Variants in ATP6V1C2 observed in about 807,000 individuals in gnomAD.
ATP6V1C2 encodes V-type proton ATPase subunit C 2.
Under a neutral mutation model 56.8 loss-of-function variants are expected in ATP6V1C2, and 45 were observed. The ratio of observed to expected loss-of-function variants is 0.79; its 90% CI spans 0.62 to 1.02. ATP6V1C2 has a LOEUF of 1.02. Among genes scored for constraint, ATP6V1C2 ranks in the 50% least tolerant of loss-of-function variants. ATP6V1C2 has a pLI of 0.00. For synonymous variants in ATP6V1C2, 220 were observed against 201.3 expected (o/e 1.09, Z -0.79); for missense variants, 463 against 519.7 (o/e 0.89, Z 1.06).
In ATP6V1C2 at chr2:10,729,288, C is replaced by T. The variant is rs185184270; in HGVS notation, c.197+2719C>T. ...GAAGCAATCTCCTGCCTCAACCTCC[C>T]GAGTAGCTGGGATTACAGGTACATG... On this transcript the variant is annotated intron_variant, in intron 3 of 13. Transcript: ENST00000272238. 6.3e-3 allele frequency among the ~76,000 whole-genome samples: 958 copies of T among 151,782 alleles called. 2 individuals carry two copies. Among genetic ancestry groups the T allele is most frequent in the Non-Finnish European group, 9.9e-3 (671 of 67,956 alleles).
At chr2:10,739,874 C>T (rs955965362) in intron 3 of ATP6V1C2, among the ~76,000 whole-genome samples, 24 of 152,034 alleles carry the variant, frequency 1.6e-4, no homozygotes, top group African/African-American at 5.1e-4. Flanking sequence ...CCGAGGCGGG[C>T]GGATCACTTG....
At chr2:10,775,197 G>C (rs992846869) in intron 10 of ATP6V1C2, 126 bp downstream of exon 10, 73 of 743,236 alleles carry the variant, frequency 9.8e-5, no homozygotes, top group Non-Finnish European at 1.0e-4. Flanking sequence ...TCACACCATG[G>C]GGACCGTCTG....
chr2:10,743,995 AAATAAT>A (rs761653246), intron 3 of ATP6V1C2, among the ~76,000 whole-genome samples: 1 of 40,394 alleles, frequency 2.5e-5, no homozygotes, highest in Non-Finnish European at 8.8e-5. Flanking sequence ...AAAAAAAAAA[AAATAAT>A]AATAATAAAT....
rs971066713 is a variant in ATP6V1C2 at position 10,776,280 on chromosome 2, T to C, written c.825+1209T>C. Among the ~76,000 whole-genome samples the C allele has an allele frequency of 5.1e-4, 72 of 141,220 alleles. No individual in the cohort carries two copies. In the East Asian group the frequency reaches 6.5e-3, roughly 13 times the overall value. The allele number at this position is 141,220 out of a possible 152,430, so 92.6% of individuals were successfully genotyped here. On this transcript the variant is annotated intron_variant, in intron 10 of 13. Coordinates refer to ENST00000272238, the MANE Select transcript of ATP6V1C2 (RefSeq NM_001039362.2). ...GCGCTCACACACGTGTGTGTGTGTG[T>C]GCGCGCGCACGTGCATGTATGAGTG...
At chr2:10,729,094 C>T (rs968561023) in intron 3 of ATP6V1C2, among the ~76,000 whole-genome samples, 20 of 151,542 alleles carry the variant, frequency 1.3e-4, no homozygotes, top group African/African-American at 4.8e-5. Flanking sequence ...CGTGCCACTG[C>T]ACTCCTGCCT....
rs1665637763 is a variant in ATP6V1C2, at chr2:10,784,946, G to GCCGTC, written c.*1686_*1690dup. ...CCCGGGCACTCACCTCGCCATCCCT[G>GCCGTC]CCGTCCCAAGGCTCTCTCTCAACGA... On this transcript the variant is annotated 3_prime_UTR_variant, in exon 14 of 14. Transcript: ENST00000272238. The GCCGTC allele has an allele frequency of 6.3e-7, 1 of 1,584,756 alleles. No homozygotes were observed. Among genetic ancestry groups the GCCGTC allele is most frequent in the South Asian group, 1.2e-5 (1 of 86,878 alleles).
intron 6 of ATP6V1C2, 112 bp from the exon 7 acceptor site, chr2:10,771,727 C>A: frequency 1.3e-6 from 1 of 793,634 alleles, no homozygotes; most frequent in Non-Finnish European, 2.2e-6. Flanking sequence ...GCATCCCTGG[C>A]ACCCACCCTT....
intron 4 of ATP6V1C2, among the ~76,000 whole-genome samples, chr2:10,756,442 G>A (rs1018509222): frequency 5.3e-5 from 8 of 151,964 alleles, no homozygotes; most frequent in Admixed American, 2.6e-4. Flanking sequence ...ATATATTGCC[G>A]GGCGCAGTGG....
At chr2:10,732,026 G>T (rs1661976974) in intron 3 of ATP6V1C2, among the ~76,000 whole-genome samples, 1 of 151,998 alleles carries the variant, frequency 6.6e-6, no homozygotes, top group Non-Finnish European at 1.5e-5. Flanking sequence ...CCTACCTGCT[G>T]CAGAAATGGT....
rs34670802 is a variant in ATP6V1C2, at chr2:10,780,749, C to CTT, written c.1062-1481_1062-1480dup. On this transcript the variant is annotated intron_variant, in intron 12 of 13. Transcript: ENST00000272238. The surrounding 1 kb of genome is among the most constrained non-coding windows in gnomAD (Gnocchi z 4.1). ...CGATGGGCCAGCCGCTCCTGGGGTC[C>CTT]TTTTTTTTTTTTTTGAGATGGACTC... is the stretch of plus-strand genomic sequence containing the variant. 7.1e-4 allele frequency among the ~76,000 whole-genome samples: 102 copies of CTT among 144,288 alleles called. No homozygotes were observed. The highest frequency in any genetic ancestry group is 4.6e-3 in the South Asian group (21 of 4,538). 94.7% of individuals were successfully genotyped at this position (144,288 alleles called of 152,430 possible). A position where few individuals can be genotyped will look rare whatever the true frequency, so the allele number is the denominator to read the frequency against.
rs1016435371 is a variant in ATP6V1C2 at position 10,784,977 on chromosome 2, G to C, written c.*1714G>C. 7 of 1,592,312 alleles carry C rather than the reference G, an allele frequency of 4.4e-6. No individual in the cohort carries two copies. The African/African-American group carries it at 9.4e-5, about 21-fold the overall frequency. On this transcript the variant is annotated 3_prime_UTR_variant, in exon 14 of 14. Transcript: ENST00000272238. ...CCAAGGCTCTCTCTCAACGATGGTA[G>C]GGAAAGCCCCGCCTCCTACAGGTGC...
intron 3 of ATP6V1C2, among the ~76,000 whole-genome samples, chr2:10,737,678 G>C (rs114348808): frequency 0.02 from 3,110 of 152,184 alleles, 104 homozygotes; most frequent in African/African-American, 0.071. Context: ...GATACAGAAA[G>C]GTCTGTGACA....
intron 4 of ATP6V1C2, among the ~76,000 whole-genome samples, chr2:10,762,030 G>A (rs1260074306): frequency 1.3e-5 from 2 of 152,230 alleles, no homozygotes; most frequent in Admixed American, 6.5e-5. Context: ...AGGGCGTTAG[G>A]TGCTTCACGC....
At chr2:10,761,479 C>T (rs144755335) in intron 4 of ATP6V1C2, among the ~76,000 whole-genome samples, 70 of 152,238 alleles carry the variant, frequency 4.6e-4, no homozygotes, top group African/African-American at 1.6e-3. Flanking sequence ...GGGCCTGTAC[C>T]CTTGCTACAA....
At chr2:10,742,094 G>GTTTTTGGCC (rs1662584817) in intron 3 of ATP6V1C2, among the ~76,000 whole-genome samples, 1 of 152,100 alleles carries the variant, frequency 6.6e-6, no homozygotes, top group Admixed American at 6.6e-5. Context: ...ATTTTTAGTA[G>GTTTTTGGCC]AGACAGGGTT....
chr2:10,782,333 C>T lies in ATP6V1C2; in HGVS notation c.1152C>T (p.Val384=). 1.2e-6 allele frequency: 2 copies of T among 1,614,210 alleles called. No homozygotes were observed. Among genetic ancestry groups the T allele is most frequent in the Non-Finnish European group, 1.7e-6 (2 of 1,180,034 alleles). The change falls in exon 13 of 14, where the codon GTC becomes GTT. Residue 384 remains valine, a synonymous_variant. Coordinates refer to ENST00000272238, the MANE Select transcript of ATP6V1C2 (RefSeq NM_001039362.2). ...GTTTAAGAGAGGTTCTAAACTCTGTCTTCCGACATCTGGATGAAGTAGCCG... is the reference window on the plus strand; with the variant it reads ...GTTTAAGAGAGGTTCTAAACTCTGTTTTCCGACATCTGGATGAAGTAGCCG... ...TKRLREVLNS[V]FRHLDEVAAT... is the part of the protein sequence containing the mutation.
intron 3 of ATP6V1C2, among the ~76,000 whole-genome samples, chr2:10,749,356 A>G (rs1663090580): frequency 6.6e-6 from 1 of 152,112 alleles, no homozygotes; most frequent in African/African-American, 2.4e-5. Context: ...TTTTAAATGA[A>G]CAAGCCAGTA....
At chr2:10,781,513 T>C (rs1038189345) in intron 12 of ATP6V1C2, among the ~76,000 whole-genome samples, 5 of 152,084 alleles carry the variant, frequency 3.3e-5, no homozygotes, top group African/African-American at 4.8e-5. Context: ...CTTAGTAATA[T>C]TAATAGGTCC....
intron 5 of ATP6V1C2, 141 bp from the exon 6 acceptor site, chr2:10,768,578 G>A: frequency 1.4e-6 from 1 of 697,536 alleles, no homozygotes; most frequent in South Asian, 1.8e-5. Flanking sequence ...GCCAAATGCT[G>A]GTAAACAGAA....
Sources: allele counts gnomAD v4.1 joint callset (sites outside exome capture counted in the v4.1 genomes callset), GRCh38; gene constraint gnomAD v4.1.1; non-coding constraint Gnocchi (gnomAD v3.1); transcripts MANE v1.5; gene names NCBI Gene and HGNC (gene_info 2026-07-23, HGNC 2026-07-21).